B3GALNT2: variants seen among roughly 807,000 people sequenced by gnomAD.
B3GALNT2 encodes UDP-GalNAc:beta-1,3-N-acetylgalactosaminyltransferase 2.
In B3GALNT2, 53 loss-of-function variants were observed where a neutral mutation model predicts 61.1. The observed-to-expected ratio is 0.87, with a 90% CI of 0.70 to 1.09. The LOEUF is 1.09. B3GALNT2 is among the 50% of genes least tolerant of loss of function. The pLI is 0.00. For synonymous variants in B3GALNT2, 223 were observed against 237.4 expected (o/e 0.94, Z 0.56); for missense variants, 544 against 623.0 (o/e 0.87, Z 1.35).
chr1:235,474,987 ATTTTTTTTTTTTTT>A (rs1160445883), intron 5 of B3GALNT2, among the ~76,000 whole-genome samples: 1 of 35,572 alleles, frequency 2.8e-5, no homozygotes, highest in African/African-American at 1.1e-4. Context: ...ATATATATAT[ATTTTTTTTTTTTTT>A]TTTTTTTTTG....
At position 235,494,607 on chromosome 1, in the gene B3GALNT2, C is replaced by G. The variant is rs995734285; in HGVS notation, c.260+74G>C. 2.1e-5 allele frequency: 31 copies of G among 1,487,318 alleles called. No individual in the cohort carries two copies. In the Middle Eastern group the frequency reaches 5.3e-4, roughly 25 times the overall value. The allele number at this position is 1,487,318 out of a possible 1,614,324, so 92.1% of individuals were successfully genotyped here. A position where few individuals can be genotyped will look rare whatever the true frequency, so the allele number is the denominator to read the frequency against. ...CGGTAGCTGGGACGACGGGCACACA[C>G]CACCACGCCTGGCTAGGTTTTTCAG... On this transcript the variant is annotated intron_variant, in intron 2 of 11. Coordinates refer to ENST00000366600, the MANE Select transcript of B3GALNT2 (RefSeq NM_152490.5).
rs1045409136 is a variant in B3GALNT2, at chr1:235,489,269, C to T, written c.261-1G>A. 2 of 1,613,464 alleles carry T rather than the reference C, an allele frequency of 1.2e-6. No homozygotes were observed. The highest frequency in any genetic ancestry group is 1.7e-6 in the Non-Finnish European group (2 of 1,179,776). On this transcript the variant is annotated splice_acceptor_variant, in intron 2 of 11. Transcript: ENST00000366600. LOFTEE classifies it high-confidence loss of function. ...ACCTATTATGAACTTCACAAGCACA[C>T]TGAGAGATGTGTTGGCATTAACATC...
At chr1:235,442,515 T>G (rs1254840875), downstream of B3GALNT2, among the ~76,000 whole-genome samples, 1 of 152,270 alleles carries the variant, frequency 6.6e-6, no homozygotes, top group East Asian at 1.9e-4. Flanking sequence ...TATACATTTT[T>G]GTAACTCCTA....
chr1:235,442,174 A>G, the B3GALNT2 span, among the ~76,000 whole-genome samples: 1 of 151,482 alleles, frequency 6.6e-6, no homozygotes, highest in Non-Finnish European at 1.5e-5. Flanking sequence ...ATGCCCGGCT[A>G]ATTTTTTTTA....
intron 1 of B3GALNT2, among the ~76,000 whole-genome samples, chr1:235,501,688 C>T (rs1162067525): frequency 2.0e-5 from 3 of 151,796 alleles, no homozygotes; most frequent in Admixed American, 6.6e-5. Context: ...GAAGGTAAAT[C>T]GCTCTTTCAA....
At chr1:235,496,727 G>C (rs1685343242) in intron 1 of B3GALNT2, among the ~76,000 whole-genome samples, 1 of 151,918 alleles carries the variant, frequency 6.6e-6, no homozygotes. Context: ...TGTAGTTTTA[G>C]TAGAGATGGA....
rs192599333 is a variant in B3GALNT2 at position 235,501,061 on chromosome 1, C to T, written c.112+3080G>A. 2.7e-3 allele frequency among the ~76,000 whole-genome samples: 417 copies of T among 152,252 alleles called. 2 individuals are homozygous for T. Among genetic ancestry groups the T allele is most frequent in the African/African-American group, 9.5e-3 (393 of 41,548 alleles). On this transcript the variant is annotated intron_variant, in intron 1 of 11. Coordinates refer to ENST00000366600, the MANE Select transcript of B3GALNT2 (RefSeq NM_152490.5). ...CAAGTACTTGTTGAGTGAATATGCT[C>T]CTTTGTTTTGGTTTCTTTCTTTCCA... is the stretch of plus-strand genomic sequence containing the variant.
chr1:235,477,216 A>G (rs924771143), intron 5 of B3GALNT2, among the ~76,000 whole-genome samples: 2 of 152,160 alleles, frequency 1.3e-5, no homozygotes, highest in African/African-American at 4.8e-5. Context: ...CTTCAAACCT[A>G]TAGAAAAGTT....
At chr1:235,457,111 AAAATAAATAAAT>A (rs10668990) in intron 8 of B3GALNT2, among the ~76,000 whole-genome samples, 5 of 149,474 alleles carry the variant, frequency 3.3e-5, no homozygotes, top group Non-Finnish European at 5.9e-5. Context: ...TTTCTATTAA[AAAATAAATAAAT>A]AAATAAATAA....
intron 5 of B3GALNT2, among the ~76,000 whole-genome samples, chr1:235,474,979 A>T (rs1186810102): frequency 0.074 from 2,474 of 33,636 alleles, 371 homozygotes; most frequent in East Asian, 0.4. Flanking sequence ...ATATATATAT[A>T]TATATATATT....
Position 235,466,186 on chromosome 1 carries a change from T to A in B3GALNT2, c.763-472A>T, listed in dbSNP as rs148921838. On this transcript the variant is annotated intron_variant, in intron 6 of 11. Coordinates refer to ENST00000366600, the MANE Select transcript of B3GALNT2 (RefSeq NM_152490.5). The stretch of plus-strand genomic sequence containing the variant: ...TCCAAATATTCAAATTGAACTCTAC[T>A]GTATATTGATTAAAAAAAAATTTTT... Among the ~76,000 whole-genome samples, 1,188 of 151,898 alleles carry A rather than the reference T, an allele frequency of 7.8e-3. 8 individuals carry two copies. Among genetic ancestry groups the A allele is most frequent in the Middle Eastern group, 0.021 (6 of 292 alleles).
Position 235,454,322 on chromosome 1 carries a change from T to A in B3GALNT2, c.1152-7A>T. The A allele has an allele frequency of 6.2e-7, 1 of 1,605,144 alleles. No individual in the cohort carries two copies. The highest frequency in any genetic ancestry group is 1.3e-5 in the African/African-American group (1 of 74,652). On this transcript the variant is annotated splice_polypyrimidine_tract_variant and splice_region_variant and intron_variant, in intron 9 of 11. Coordinates refer to ENST00000366600, the MANE Select transcript of B3GALNT2 (RefSeq NM_152490.5). Reference sequence around the variant, plus strand: ...TGCCCAATTCAGTCTGAAACTGAGATGAAAAATAATGTGGCCTCTTGTGTT... The same window carrying A: ...TGCCCAATTCAGTCTGAAACTGAGAAGAAAAATAATGTGGCCTCTTGTGTT...
intron 7 of B3GALNT2, among the ~76,000 whole-genome samples, chr1:235,461,567 A>G (rs1338625035): frequency 8.6e-6 from 1 of 116,334 alleles, no homozygotes; most frequent in African/African-American, 3.4e-5. Flanking sequence ...CCCAGGCTGG[A>G]GTGCAGTAGC....
intron 3 of B3GALNT2, among the ~76,000 whole-genome samples, chr1:235,488,825 T>C (rs2102852934): frequency 6.6e-6 from 1 of 151,530 alleles, no homozygotes; most frequent in Admixed American, 6.6e-5. Flanking sequence ...ATGCTGAGGC[T>C]GGTGGATCCC....
Position 235,447,770 on chromosome 1 carries a change from A to C in B3GALNT2, c.*2436T>G, listed in dbSNP as rs1404410628. 6.6e-6 allele frequency among the ~76,000 whole-genome samples: 1 copy of C among 152,208 alleles called. No individual in the cohort carries two copies. The highest frequency in any genetic ancestry group is 1.5e-5 in the Non-Finnish European group (1 of 68,030). On this transcript the variant is annotated 3_prime_UTR_variant, in exon 12 of 12. Transcript: ENST00000366600. ...CATTCTGGTTTATTCAGATTAAGAA[A>C]GAAATACACTACTGAAATGGTATGA... is the stretch of plus-strand genomic sequence containing the variant.
chr1:235,476,231 G>A (rs1684272541), intron 5 of B3GALNT2, among the ~76,000 whole-genome samples: 1 of 151,900 alleles, frequency 6.6e-6, no homozygotes, highest in African/African-American at 2.4e-5. Context: ...CTAACACGGT[G>A]AAACCCCGTC....
intron 2 of B3GALNT2, among the ~76,000 whole-genome samples, chr1:235,491,492 C>T (rs1402289713): frequency 2.6e-5 from 4 of 152,124 alleles, no homozygotes; most frequent in Admixed American, 1.3e-4. Flanking sequence ...TTTATCAGTA[C>T]ACTACTGCCT....
At chr1:235,481,303 T>G (rs751450139) in intron 4 of B3GALNT2, among the ~76,000 whole-genome samples, 6 of 152,228 alleles carry the variant, frequency 3.9e-5, no homozygotes, top group Non-Finnish European at 8.8e-5. Context: ...AAATATTGTA[T>G]GTCTGAACCA....
rs545204715 is a variant in B3GALNT2, at chr1:235,494,606, A to C, written c.260+75T>G. On this transcript the variant is annotated intron_variant, in intron 2 of 11. Transcript: ENST00000366600. The stretch of plus-strand genomic sequence containing the variant: ...CCGGTAGCTGGGACGACGGGCACAC[A>C]CCACCACGCCTGGCTAGGTTTTTCA... The C allele has an allele frequency of 8.8e-4, 1,299 of 1,477,110 alleles. 11 individuals carry two copies. The African/African-American group carries it at 0.016, about 19-fold the overall frequency. The allele number at this position is 1,477,110 out of a possible 1,614,324, so 91.5% of individuals were successfully genotyped here.
Sources: allele counts gnomAD v4.1 joint callset (sites outside exome capture counted in the v4.1 genomes callset), GRCh38; gene constraint gnomAD v4.1.1; transcripts MANE v1.5; gene names NCBI Gene and HGNC (gene_info 2026-07-23, HGNC 2026-07-21).